The following HACL1 variants were observed in gnomAD, a reference collection of about 807,000 sequenced individuals.
The protein encoded by HACL1 is 2-hydroxyacyl-CoA lyase 1.
A neutral mutation model predicts 74.2 loss-of-function variants in HACL1; 64 were observed. That is an observed-to-expected ratio of 0.86 (90% CI 0.70 to 1.06). The LOEUF is 1.06. Ranked by LOEUF, HACL1 falls within the 50% of genes least tolerant of loss-of-function variation. The pLI, the probability that HACL1 is intolerant of heterozygous loss-of-function variation, is 0.00. For synonymous variants in HACL1, 230 were observed against 238.8 expected, an observed-to-expected ratio of 0.96 and a Z score of 0.34; for missense variants, 728 against 719.7, an observed-to-expected ratio of 1.01 and a Z score of -0.13.
chr3:15,576,752 C>G lies in HACL1; in HGVS notation c.804-1670G>C, dbSNP rs117638957. The stretch of plus-strand genomic sequence containing the variant: ...TTTATCTGTTTCCCCTTTTTCCTGT[C>G]TTTTGCCATACAGGATCTGTATCTA... On this transcript the variant is annotated intron_variant, in intron 9 of 16. Transcript: ENST00000321169. Among the ~76,000 whole-genome samples the G allele has an allele frequency of 6.6e-5, 10 of 152,034 alleles. No homozygotes were observed. The East Asian group carries it at 1.7e-3, about 26-fold the overall frequency.
Position 15,568,554 on chromosome 3 carries a change from A to C in HACL1, c.1128T>G (p.Asn376Lys). 1 of 1,570,960 alleles carries C rather than the reference A, an allele frequency of 6.4e-7. No individual in the cohort carries two copies. The highest frequency in any genetic ancestry group is 8.7e-7 in the Non-Finnish European group (1 of 1,149,926). Residue 376 changes from asparagine (N) to lysine (K), a missense_variant, in exon 13 of 17, where the codon AAT becomes AAG. Transcript: ENST00000321169. ...ELASKKSLPM[N>K]YYTVFYHVQE... ...GAACATGGTAGAATACTGTGTAATA[A>C]TTCATAGGCAGGGATTTTTTAGAAG...
intron 5 of HACL1, 44 bp downstream of exon 5, chr3:15,589,496 C>A: frequency 1.6e-6 from 2 of 1,245,468 alleles, no homozygotes; most frequent in Non-Finnish European, 1.2e-6. Flanking sequence ...GATCCTGTTT[C>A]AAAAATTAAA....
chr3:15,592,412 G>A (rs1231363263), intron 3 of HACL1, among the ~76,000 whole-genome samples: 1 of 149,348 alleles, frequency 6.7e-6, no homozygotes, highest in Non-Finnish European at 1.5e-5. Context: ...GTAGACACAC[G>A]TATACACACA....
At chr3:15,593,561 C>T (rs887193776) in intron 3 of HACL1, among the ~76,000 whole-genome samples, 15 of 152,032 alleles carry the variant, frequency 9.9e-5, no homozygotes, top group African/African-American at 3.1e-4. Context: ...AAATAAGGTA[C>T]CTATCATTTT....
At chr3:15,583,128 C>A (rs1479947536) in intron 7 of HACL1, 139 bp from the exon 8 acceptor site, 1 of 543,208 alleles carries the variant, frequency 1.8e-6, no homozygotes, top group Non-Finnish European at 3.3e-6. Context: ...AACTTAATAT[C>A]ATTTTACCAC....
chr3:15,586,273 ATAAT>A (rs1238830022), intron 6 of HACL1, among the ~76,000 whole-genome samples: 2 of 152,218 alleles, frequency 1.3e-5, no homozygotes, highest in African/African-American at 4.8e-5. Flanking sequence ...TTACTTTTGT[ATAAT>A]TAAAAAGGTA....
chr3:15,562,468 A>C (rs1447401161), intron 16 of HACL1, among the ~76,000 whole-genome samples: 1 of 152,180 alleles, frequency 6.6e-6, no homozygotes, highest in Non-Finnish European at 1.5e-5. Context: ...TAAATTAGTT[A>C]ATTTATATTT....
chr3:15,567,942 G>A lies in HACL1; in HGVS notation c.1311C>T (p.Ala437=), dbSNP rs760506802. ...CAGGGCTTCTATCTTTAGCCACCACGGCAGCTGCAATAGCAAATCCCAAAC... is the reference window on the plus strand; with the variant it reads ...CAGGGCTTCTATCTTTAGCCACCACAGCAGCTGCAATAGCAAATCCCAAAC... ...GVGLGFAIAA[A]VVAKDRSPGQ... The change falls in exon 14 of 17, where the codon GCC becomes GCT. Residue 437 remains alanine (A), a synonymous_variant. Coordinates refer to ENST00000321169, the MANE Select transcript of HACL1 (RefSeq NM_012260.4). 30 of 1,613,590 alleles carry A rather than the reference G, an allele frequency of 1.9e-5. No individual in the cohort carries two copies. Among genetic ancestry groups the A allele is most frequent in the East Asian group, 4.5e-5 (2 of 44,898 alleles).
intron 16 of HACL1, among the ~76,000 whole-genome samples, chr3:15,562,695 C>A (rs529735582): frequency 6.6e-6 from 1 of 152,284 alleles, no homozygotes; most frequent in South Asian, 2.1e-4. Flanking sequence ...GTATGAAATG[C>A]AACTTACTCT....
intron 9 of HACL1, among the ~76,000 whole-genome samples, chr3:15,578,118 A>C (rs77606164): frequency 7.4e-5 from 11 of 148,194 alleles, no homozygotes; most frequent in African/African-American, 1.8e-4. Flanking sequence ...AAAAAAAAAA[A>C]CCAAAAACCC....
chr3:15,570,599 C>A (rs2063510648), intron 12 of HACL1, among the ~76,000 whole-genome samples: 1 of 150,448 alleles, frequency 6.6e-6, no homozygotes, highest in Non-Finnish European at 1.5e-5. Flanking sequence ...AAAAAACCAC[C>A]TTTCTCACAT....
chr3:15,594,708 T>C (rs1237760548), intron 3 of HACL1, among the ~76,000 whole-genome samples: 2 of 152,246 alleles, frequency 1.3e-5, no homozygotes, highest in Non-Finnish European at 2.9e-5. Context: ...TACTACAAAC[T>C]GATAAACTAT....
At chr3:15,574,668 TAA>T (rs1352519286) in intron 10 of HACL1, among the ~76,000 whole-genome samples, 2 of 152,352 alleles carry the variant, frequency 1.3e-5, no homozygotes, top group African/African-American at 2.4e-5. Flanking sequence ...CCATCCTACT[TAA>T]GTCTCTTTTC....
intron 4 of HACL1, 40 bp from the exon 5 acceptor site, chr3:15,589,652 GATC>G (rs896394647): frequency 1.6e-6 from 2 of 1,212,818 alleles, no homozygotes; most frequent in African/African-American, 1.5e-5. Flanking sequence ...TTACAAATTA[GATC>G]ATCATGTAAA....
Position 15,567,897 on chromosome 3 carries a change from C to T in HACL1, c.1356G>A (p.Val452=), listed in dbSNP as rs758150775. 1.2e-6 allele frequency: 2 copies of T among 1,614,146 alleles called. No homozygotes were observed. The highest frequency in any genetic ancestry group is 1.1e-5 in the South Asian group (1 of 91,090). ...DRSPGQWIIC[V]EGDSAFGFSG... ...AAAACCCAAATGCACTGTCTCCTTC[C>T]ACACAGATGATCCATTGCCCAGGGC... The change falls in exon 14 of 17, where the codon GTG becomes GTA. Residue 452 remains valine, a synonymous_variant. Transcript: ENST00000321169.
intron 14 of HACL1, among the ~76,000 whole-genome samples, chr3:15,567,184 T>C (rs1383764937): frequency 1.3e-5 from 2 of 148,204 alleles, no homozygotes; most frequent in African/African-American, 5.0e-5. Flanking sequence ...ATCCAGGCCA[T>C]TTGTCCCACA....
intron 9 of HACL1, 122 bp downstream of exon 9, chr3:15,579,788 A>G: frequency 2.9e-6 from 2 of 695,824 alleles, no homozygotes; most frequent in Non-Finnish European, 4.8e-6. Flanking sequence ...CCAAAAATAA[A>G]CAGGTATGCT....
At chr3:15,567,510 A>AT (rs1459328437) in intron 14 of HACL1, among the ~76,000 whole-genome samples, 1 of 151,570 alleles carries the variant, frequency 6.6e-6, no homozygotes, top group Non-Finnish European at 1.5e-5. Context: ...GTGAGCCACC[A>AT]TGACTGGCAG....
At chr3:15,576,527 T>C (rs2063629809) in intron 9 of HACL1, among the ~76,000 whole-genome samples, 1 of 152,216 alleles carries the variant, frequency 6.6e-6, no homozygotes, top group Admixed American at 6.5e-5. Flanking sequence ...TTCTTTTTCT[T>C]TACTTCACAT....
Sources: allele counts gnomAD v4.1 joint callset (sites outside exome capture counted in the v4.1 genomes callset), GRCh38; gene constraint gnomAD v4.1.1; transcripts MANE v1.5; gene names NCBI Gene and HGNC (gene_info 2026-07-23, HGNC 2026-07-21).